The following ACAN variants were observed in gnomAD, a reference collection of about 807,000 sequenced individuals.
The protein encoded by ACAN is aggrecan, also known as aggrecan core protein.
Under a neutral mutation model 169.1 loss-of-function variants are expected in ACAN, and 47 were observed. The observed-to-expected ratio is 0.28, with a 90% CI of 0.22 to 0.35. ACAN has a LOEUF of 0.35. ACAN is among the 10% of genes least tolerant of loss of function. The pLI, the probability that ACAN is intolerant of heterozygous loss-of-function variation, is 1.00. For synonymous variants in ACAN, 1,115 were observed against 1,112.2 expected (o/e 1.00, Z -0.05); for missense variants, 2,716 against 2,759.9 (o/e 0.98, Z 0.36).
At chr15:88,809,369 C>T (rs1198941668) in intron 1 of ACAN, among the ~76,000 whole-genome samples, 1 of 152,166 alleles carries the variant, frequency 6.6e-6, no homozygotes, top group Non-Finnish European at 1.5e-5. Flanking sequence ...CTTCACCTCT[C>T]AGCCTCAGGT....
In ACAN at chr15:88,849,528, C is replaced by T. The variant is rs1259839311; in HGVS notation, c.1823C>T (p.Thr608Met). Residue 608 changes from threonine (T) to methionine (M), a missense_variant, in exon 10 of 19, where the codon ACG (threonine) becomes ATG (methionine). This residue lies in a region of ACAN where 1,283 missense variants were observed against 1,281.5 expected (regional missense o/e 1.00). Coordinates refer to ENST00000560601, the MANE Select transcript of ACAN (RefSeq NM_001369268.1). This position sits in a 1 kb window ranked among gnomAD's most constrained non-coding sequence, Gnocchi z 5.1. ...TCTCACAATGCTACGCTGGCCACCA[C>T]GGGCCAGCTCTACGCCGCCTGGAGC... ...CESHNATLAT[T>M]GQLYAAWSRG... The T allele has an allele frequency of 2.5e-6, 4 of 1,606,338 alleles. No homozygotes were observed. The highest frequency in any genetic ancestry group is 1.7e-4 in the Middle Eastern group (1 of 6,048).
At position 88,874,381 on chromosome 15, in the gene ACAN, C is replaced by G. The variant is rs375953842; in HGVS notation, c.7631-24C>G. 9 of 1,577,270 alleles carry G rather than the reference C, an allele frequency of 5.7e-6. No individual in the cohort carries two copies. In the East Asian group the frequency reaches 1.9e-4, roughly 33 times the overall value. ...ACTTTCTTTCCAGGTCCACTGATAT[C>G]TTTCCATCTCCCTTTCGTCCTAGCC... is the stretch of plus-strand genomic sequence containing the variant. On this transcript the variant is annotated intron_variant, in intron 18 of 18. Transcript: ENST00000560601. The surrounding 1 kb of genome is among the most constrained non-coding windows in gnomAD (Gnocchi z 7.3).
At chr15:88,831,889 G>T (rs1193920953) in intron 1 of ACAN, among the ~76,000 whole-genome samples, 2 of 152,224 alleles carry the variant, frequency 1.3e-5, no homozygotes, top group South Asian at 2.1e-4. Context: ...CTCCATGGAG[G>T]AACAGCAGGC....
Position 88,874,634 on chromosome 15 carries a change from C to T in ACAN, c.*153C>T. ...AAAATAAATCCCACATTTGTGTATG[C>T]ACCCACTCACCCCTCCAAATCAGCA... On this transcript the variant is annotated 3_prime_UTR_variant, in exon 19 of 19. Transcript: ENST00000560601. The surrounding 1 kb of genome is among the most constrained non-coding windows in gnomAD (Gnocchi z 7.3). 1 of 758,324 alleles carries T rather than the reference C, an allele frequency of 1.3e-6. No homozygotes were observed. Among genetic ancestry groups the T allele is most frequent in the Non-Finnish European group, 2.3e-6 (1 of 439,428 alleles). 47.0% of individuals were successfully genotyped at this position (758,324 alleles called of 1,614,324 possible). A position where few individuals can be genotyped will look rare whatever the true frequency, so the allele number is the denominator to read the frequency against.
rs566825982 is a variant in ACAN, at chr15:88,866,189, C to A, written c.6947-2027C>A. 6.6e-6 allele frequency among the ~76,000 whole-genome samples: 1 copy of A among 152,308 alleles called. No individual in the cohort carries two copies. Among genetic ancestry groups the A allele is most frequent in the South Asian group, 2.1e-4 (1 of 4,824 alleles). On this transcript the variant is annotated intron_variant, in intron 13 of 18. Coordinates refer to ENST00000560601, the MANE Select transcript of ACAN (RefSeq NM_001369268.1). The surrounding 1 kb of genome is among the most constrained non-coding windows in gnomAD (Gnocchi z 5.6). ...ACTGGATACCCCCCAGCCTGACCTC[C>A]GCTGGGGTGTCTTTCCTTTCCTGCC...
intron 1 of ACAN, among the ~76,000 whole-genome samples, chr15:88,816,839 A>G (rs1895953787): frequency 6.6e-6 from 1 of 152,248 alleles, no homozygotes; most frequent in South Asian, 2.1e-4. Context: ...CCTTCAGCTC[A>G]GAGTCAGAGC....
At position 88,855,163 on chromosome 15, in the gene ACAN, G is replaced by A; in HGVS notation, c.2578G>A (p.Glu860Lys). 1 of 1,609,050 alleles carries A rather than the reference G, an allele frequency of 6.2e-7. No homozygotes were observed. Among genetic ancestry groups the A allele is most frequent in the South Asian group, 1.1e-5 (1 of 90,646 alleles). ...GACTGAGCTGCCCAGCTCTGGGGAGGAATCTGGGGCCCCTGATGTCAGTGG... is the reference window on the plus strand; with the variant it reads ...GACTGAGCTGCCCAGCTCTGGGGAGAAATCTGGGGCCCCTGATGTCAGTGG... ...SWTELPSSGEESGAPDVSGDF... is the reference protein window; with the variant it reads ...SWTELPSSGEKSGAPDVSGDF... The change falls in exon 12 of 19, where the codon GAA becomes AAA. Residue 860 changes from glutamate to lysine, a missense_variant. By Grantham distance (56) the Glu-to-Lys change is moderately conservative. Coordinates refer to ENST00000560601, the MANE Select transcript of ACAN (RefSeq NM_001369268.1).
chr15:88,861,829 C>T lies in ACAN; in HGVS notation c.6946+1390C>T, dbSNP rs540741741. Among the ~76,000 whole-genome samples the T allele has an allele frequency of 1.3e-5, 2 of 152,262 alleles. No individual in the cohort carries two copies. Among genetic ancestry groups the T allele is most frequent in the East Asian group, 3.9e-4 (2 of 5,184 alleles). ...AAAGCAAGGCTCATGTTCTTGGCAGCCCTGAAATTAATAGGAGTAAGTGTC... is the reference window on the plus strand; with the variant it reads ...AAAGCAAGGCTCATGTTCTTGGCAGTCCTGAAATTAATAGGAGTAAGTGTC... On this transcript the variant is annotated intron_variant, in intron 13 of 18. Transcript: ENST00000560601. This position sits in a 1 kb window ranked among gnomAD's most constrained non-coding sequence, Gnocchi z 6.3.
At chr15:88,804,933 T>C (rs2141477866) in intron 1 of ACAN, among the ~76,000 whole-genome samples, 1 of 152,186 alleles carries the variant, frequency 6.6e-6, no homozygotes, top group Non-Finnish European at 1.5e-5. Flanking sequence ...AGTGGGTGGG[T>C]GTCTGACAGT....
At chr15:88,845,108 A>G (rs749980441) in intron 6 of ACAN, among the ~76,000 whole-genome samples, 1 of 152,114 alleles carries the variant, frequency 6.6e-6, no homozygotes, top group Non-Finnish European at 1.5e-5. Context: ...AGATTTTCTG[A>G]TTTCTCCTTA....
At chr15:88,825,606 C>G (rs1057345531) in intron 1 of ACAN, among the ~76,000 whole-genome samples, 21 of 152,294 alleles carry the variant, frequency 1.4e-4, no homozygotes, top group African/African-American at 3.8e-4. Context: ...AAGTGGACCT[C>G]AGAGAGAGGA....
At position 88,807,058 on chromosome 15, in the gene ACAN, G is replaced by T. The variant is rs1258545855; in HGVS notation, c.-8+3249G>T. Among the ~76,000 whole-genome samples the T allele has an allele frequency of 6.6e-6, 1 of 150,744 alleles. No homozygotes were observed. The highest frequency in any genetic ancestry group is 2.4e-5 in the African/African-American group (1 of 40,840). On this transcript the variant is annotated intron_variant, in intron 1 of 18. Transcript: ENST00000560601. The surrounding 1 kb of genome is among the most constrained non-coding windows in gnomAD (Gnocchi z 4.0). Reference sequence around the variant, plus strand: ...TATTTAATTTTTTTTTTACTATATTGGTCCCAATGATGTTTCTGTCTCAGA... The same window carrying T: ...TATTTAATTTTTTTTTTACTATATTTGTCCCAATGATGTTTCTGTCTCAGA...
At chr15:88,822,629 G>C (rs28616693) in intron 1 of ACAN, among the ~76,000 whole-genome samples, 55,155 of 151,896 alleles carry the variant, frequency 0.36, 10,368 homozygotes, top group East Asian at 0.59. Flanking sequence ...TAGAGACGGG[G>C]TTTCTCCATG....
Position 88,849,387 on chromosome 15 carries a change from C to A in ACAN, c.1733-51C>A, listed in dbSNP as rs2141590599. 6.7e-7 allele frequency: 1 copy of A among 1,493,058 alleles called. No homozygotes were observed. 92.5% of individuals were successfully genotyped at this position (1,493,058 alleles called of 1,614,324 possible). On this transcript the variant is annotated intron_variant, in intron 9 of 18. Coordinates refer to ENST00000560601, the MANE Select transcript of ACAN (RefSeq NM_001369268.1). This position sits in a 1 kb window ranked among gnomAD's most constrained non-coding sequence, Gnocchi z 5.1. ...TCTGTCCTGGGTGGGCAGGGATGGACCTGGCCTGAGTGTGGGGGGGTCATA... is the reference window on the plus strand; with the variant it reads ...TCTGTCCTGGGTGGGCAGGGATGGAACTGGCCTGAGTGTGGGGGGGTCATA...
chr15:88,848,917 C>T (rs1411195005), intron 9 of ACAN, among the ~76,000 whole-genome samples: 1 of 152,204 alleles, frequency 6.6e-6, no homozygotes, highest in African/African-American at 2.4e-5. Flanking sequence ...TGTAAGCCCT[C>T]CTCCCCCTAA....
At position 88,852,039 on chromosome 15, in the gene ACAN, T is replaced by C; in HGVS notation, c.2266+6T>C. 6.3e-7 allele frequency: 1 copy of C among 1,589,358 alleles called. No individual in the cohort carries two copies. Among genetic ancestry groups the C allele is most frequent in the South Asian group, 1.1e-5 (1 of 87,240 alleles). ...GGGCACATCCCCGCTGCCAGGTTGGTATGGCTTGGGTTCTGGGGCACACCC... is the reference window on the plus strand; with the variant it reads ...GGGCACATCCCCGCTGCCAGGTTGGCATGGCTTGGGTTCTGGGGCACACCC... On this transcript the variant is annotated splice_donor_region_variant and intron_variant, in intron 11 of 18. Transcript: ENST00000560601.
chr15:88,850,984 T>C (rs1896917887), intron 10 of ACAN: 1 of 150,018 alleles, frequency 6.7e-6, no homozygotes, highest in Non-Finnish European at 1.5e-5. Flanking sequence ...CCAGCCTCAA[T>C]AAGTCAAGTC....
intron 1 of ACAN, among the ~76,000 whole-genome samples, chr15:88,815,869 A>C (rs1476740468): frequency 2.6e-5 from 4 of 152,212 alleles, no homozygotes; most frequent in African/African-American, 9.7e-5. Context: ...CCACAAACTG[A>C]GTAGCTTAAA....
rs1330098934 is a variant in ACAN, at chr15:88,874,114, C to T, written c.7630+90C>T. The T allele has an allele frequency of 1.7e-5, 26 of 1,510,796 alleles. No individual in the cohort carries two copies. Among genetic ancestry groups the T allele is most frequent in the Non-Finnish European group, 1.9e-5 (21 of 1,115,064 alleles). The allele number at this position is 1,510,796 out of a possible 1,614,324, so 93.6% of individuals were successfully genotyped here. A position where few individuals can be genotyped will look rare whatever the true frequency, so the allele number is the denominator to read the frequency against. Reference sequence around the variant, plus strand: ...CGTCCCCTCTCCTGGGGACCCTACACCGTCCACAGGGTTGAGCAAGGGAAG... The same window carrying T: ...CGTCCCCTCTCCTGGGGACCCTACATCGTCCACAGGGTTGAGCAAGGGAAG... On this transcript the variant is annotated intron_variant, in intron 18 of 18. Coordinates refer to ENST00000560601, the MANE Select transcript of ACAN (RefSeq NM_001369268.1). The surrounding 1 kb of genome is among the most constrained non-coding windows in gnomAD (Gnocchi z 7.3).
Sources: allele counts gnomAD v4.1 joint callset (sites outside exome capture counted in the v4.1 genomes callset), GRCh38; gene constraint gnomAD v4.1.1; regional missense constraint gnomAD v4.1.1; non-coding constraint Gnocchi (gnomAD v3.1); transcripts MANE v1.5; gene names NCBI Gene and HGNC (gene_info 2026-07-23, HGNC 2026-07-21).